SLC10A7: variants seen among roughly 807,000 people sequenced by gnomAD.
SLC10A7 encodes solute carrier family 10 member 7, also known as sodium/bile acid cotransporter 7.
Under a neutral mutation model 43.2 loss-of-function variants are expected in SLC10A7, and 29 were observed. The ratio of observed to expected loss-of-function variants is 0.67; its 90% CI spans 0.50 to 0.92. The LOEUF (loss-of-function observed/expected upper bound fraction) is 0.92, where lower values mean the gene tolerates loss of function less well. Among genes scored for constraint, SLC10A7 ranks in the 40% least tolerant of loss-of-function variants. The probability of loss-of-function intolerance (pLI) is 0.00; values close to 1 mark genes in which losing one functional copy is unlikely to be tolerated. For missense variants in SLC10A7, 295 were observed against 403.2 expected (o/e 0.73, Z 2.30); for synonymous variants, 152 against 144.8 (o/e 1.05, Z -0.35).
chr4:146,418,931 T>C (rs1728765762), intron 5 of SLC10A7, among the ~76,000 whole-genome samples: 1 of 152,076 alleles, frequency 6.6e-6, no homozygotes, highest in Non-Finnish European at 1.5e-5. Context: ...TTGCTAAAGC[T>C]CACAAAAATC....
chr4:146,283,218 C>T lies in SLC10A7; in HGVS notation c.821G>A (p.Cys274Tyr). The T allele has an allele frequency of 6.2e-7, 1 of 1,613,364 alleles. No homozygotes were observed. Among genetic ancestry groups the T allele is most frequent in the Non-Finnish European group, 8.5e-7 (1 of 1,179,552 alleles). Reference protein sequence around the residue: ...TPADTVAIIFCSTHKSLTLGI... With the variant: ...TPADTVAIIFYSTHKSLTLGI... ...CAATGTAAGGGATTTGTGTGTAGAA[C>T]AGAAAATGATAGCCACTGTGTCTGC... The change falls in exon 10 of 12, where the codon TGT becomes TAT. Residue 274 changes from cysteine (C) to tyrosine (Y), a missense_variant. Physicochemically the swap from Cys to Tyr is radical, Grantham distance 194 (BLOSUM62 -2). Around this residue, in one of 2 missense-constraint regions of SLC10A7, gnomAD observed 242 missense variants for 362.5 expected, o/e 0.67. Transcript: ENST00000335472.
At chr4:146,323,410 G>A (rs901837185) in intron 6 of SLC10A7, among the ~76,000 whole-genome samples, 4 of 152,146 alleles carry the variant, frequency 2.6e-5, no homozygotes, top group Non-Finnish European at 5.9e-5. Flanking sequence ...TGTATACGGT[G>A]TAAGGAAGGG....
intron 5 of SLC10A7, among the ~76,000 whole-genome samples, chr4:146,330,554 C>T (rs143855972): frequency 3.9e-5 from 6 of 152,272 alleles, no homozygotes; most frequent in African/African-American, 1.4e-4. Flanking sequence ...CTGAAACCTA[C>T]TTTTCAGTTG....
intron 4 of SLC10A7, among the ~76,000 whole-genome samples, chr4:146,497,409 C>T (rs1223644309): frequency 6.6e-6 from 1 of 152,160 alleles, no homozygotes; most frequent in Non-Finnish European, 1.5e-5. Context: ...TATTACAACT[C>T]TTAATGCTTT....
intron 2 of SLC10A7, among the ~76,000 whole-genome samples, chr4:146,513,016 A>G (rs1350210349): frequency 6.6e-6 from 1 of 152,200 alleles, no homozygotes; most frequent in Non-Finnish European, 1.5e-5. Context: ...AGAGTATGAA[A>G]TACAATCTGT....
At chr4:146,518,944 C>T (rs1459158420) in intron 1 of SLC10A7, among the ~76,000 whole-genome samples, 1 of 150,198 alleles carries the variant, frequency 6.7e-6, no homozygotes, top group Admixed American at 6.7e-5. Context: ...GTTGTGGCAG[C>T]CCTAAGAAAC....
chr4:146,465,383 A>T (rs187554671), intron 4 of SLC10A7, among the ~76,000 whole-genome samples: 82 of 152,262 alleles, frequency 5.4e-4, no homozygotes, highest in Non-Finnish European at 9.6e-4. Context: ...AAATAAAATG[A>T]GGTTTACAGG....
intron 4 of SLC10A7, among the ~76,000 whole-genome samples, chr4:146,454,715 G>A (rs1451627632): frequency 6.6e-6 from 1 of 151,814 alleles, no homozygotes; most frequent in African/African-American, 2.4e-5. Context: ...GATGCTCAAT[G>A]TCTGACTAAA....
intron 1 of SLC10A7, among the ~76,000 whole-genome samples, chr4:146,518,848 G>A (rs889892972): frequency 2.6e-5 from 4 of 151,508 alleles, no homozygotes; most frequent in Admixed American, 6.6e-5. Flanking sequence ...GTCCTTTGGA[G>A]GACATCTTGA....
At chr4:146,325,468 C>T (rs368600710) in intron 6 of SLC10A7, among the ~76,000 whole-genome samples, 6 of 152,036 alleles carry the variant, frequency 3.9e-5, no homozygotes, top group Admixed American at 6.6e-5. Context: ...TATCTCTGGG[C>T]GATAGAATGG....
chr4:146,371,249 T>A (rs1188568603), intron 5 of SLC10A7, among the ~76,000 whole-genome samples: 1 of 152,220 alleles, frequency 6.6e-6, no homozygotes, highest in African/African-American at 2.4e-5. Context: ...GCAAAAGGCA[T>A]CCACCTTCTT....
chr4:146,445,891 C>G lies in SLC10A7; in HGVS notation c.397-3070G>C, dbSNP rs900379704. On this transcript the variant is annotated intron_variant, in intron 4 of 11. Transcript: ENST00000335472. ...GCTTCTCTCTTCTCTCTTCTCTCTTCTGTGTGTGTGTGTGTGTGTGTGTGC... is the reference window on the plus strand; with the variant it reads ...GCTTCTCTCTTCTCTCTTCTCTCTTGTGTGTGTGTGTGTGTGTGTGTGTGC... 6.8e-3 allele frequency among the ~76,000 whole-genome samples: 1,009 copies of G among 148,676 alleles called. 15 individuals carry two copies. Among genetic ancestry groups the G allele is most frequent in the Admixed American group, 0.024 (357 of 14,922 alleles).
intron 9 of SLC10A7, among the ~76,000 whole-genome samples, chr4:146,288,569 C>T (rs1198814071): frequency 3.9e-5 from 6 of 152,134 alleles, no homozygotes; most frequent in African/African-American, 1.2e-4. Flanking sequence ...TGGGTGAGGG[C>T]AGCTATCTTG....
intron 5 of SLC10A7, among the ~76,000 whole-genome samples, chr4:146,416,663 T>C (rs1366665926): frequency 6.6e-6 from 1 of 152,124 alleles, no homozygotes; most frequent in Non-Finnish European, 1.5e-5. Flanking sequence ...GAATCTGGTC[T>C]TTCTGAATAC....
chr4:146,359,367 AAT>A (rs1218785880), intron 5 of SLC10A7, among the ~76,000 whole-genome samples: 1 of 152,160 alleles, frequency 6.6e-6, no homozygotes, highest in East Asian at 1.9e-4. Context: ...GCTTTCAATA[AAT>A]AGATGTTTTT....
intron 10 of SLC10A7, among the ~76,000 whole-genome samples, chr4:146,267,814 C>G (rs949921216): frequency 6.6e-6 from 1 of 152,148 alleles, no homozygotes; most frequent in Non-Finnish European, 1.5e-5. Context: ...GTTGGGTTCA[C>G]TGAATCTACT....
At chr4:146,338,491 C>A (rs1734042273) in intron 5 of SLC10A7, among the ~76,000 whole-genome samples, 1 of 151,852 alleles carries the variant, frequency 6.6e-6, no homozygotes, top group Admixed American at 6.6e-5. Flanking sequence ...AAGATCTCTA[C>A]CATTGTGTTG....
At chr4:146,415,363 C>G (rs1728491555) in intron 5 of SLC10A7, among the ~76,000 whole-genome samples, 1 of 152,170 alleles carries the variant, frequency 6.6e-6, no homozygotes, top group African/African-American at 2.4e-5. Context: ...AGTTCATCAT[C>G]TATTAAATGG....
At chr4:146,345,532 C>T (rs893761929) in intron 5 of SLC10A7, among the ~76,000 whole-genome samples, 1 of 152,132 alleles carries the variant, frequency 6.6e-6, no homozygotes, top group African/African-American at 2.4e-5. Flanking sequence ...GCTATATTCA[C>T]TTTCAACCTG....
Sources: allele counts gnomAD v4.1 joint callset (sites outside exome capture counted in the v4.1 genomes callset), GRCh38; gene constraint gnomAD v4.1.1; regional missense constraint gnomAD v4.1.1; transcripts MANE v1.5; gene names NCBI Gene and HGNC (gene_info 2026-07-23, HGNC 2026-07-21).